Variants in AP3S2 observed in about 807,000 individuals in gnomAD.
AP3S2 encodes the protein adaptor related protein complex 3 subunit sigma 2, also known as AP-3 complex subunit sigma-2.
In AP3S2, 22 loss-of-function variants were observed where a neutral mutation model predicts 23.4. That is an observed-to-expected ratio of 0.94 (90% CI 0.67 to 1.34). AP3S2 has a LOEUF of 1.34. AP3S2 is among the 40% of genes most tolerant of loss of function. The pLI is 0.00. For synonymous variants in AP3S2, 86 were observed against 87.1 expected (o/e 0.99, Z 0.07); for missense variants, 241 against 236.9 (o/e 1.02, Z -0.11).
chr15:89,892,501 G>A (rs1392393376), intron 1 of AP3S2, among the ~76,000 whole-genome samples: 3 of 152,062 alleles, frequency 2.0e-5, no homozygotes, highest in African/African-American at 7.2e-5. Context: ...GAAAGACCCC[G>A]TCTCTATAAG....
At chr15:89,836,233 T>C (rs1555444780) in intron 5 of AP3S2, among the ~76,000 whole-genome samples, 1 of 152,202 alleles carries the variant, frequency 6.6e-6, no homozygotes, top group Non-Finnish European at 1.5e-5. Context: ...GTGTGGCCTA[T>C]ACAGTTTCAC....
At chr15:89,859,358 T>C (rs1895950696) in intron 4 of AP3S2, among the ~76,000 whole-genome samples, 1 of 138,420 alleles carries the variant, frequency 7.2e-6, no homozygotes, top group Admixed American at 7.4e-5. Context: ...CCTTCTTTCC[T>C]TCCTTTCCTT....
In AP3S2 at chr15:89,886,623, A is replaced by G. The variant is rs546541755; in HGVS notation, c.273+1898T>C. The G allele has an allele frequency of 8.5e-5, 13 of 152,300 alleles. No individual in the cohort carries two copies. In the South Asian group the frequency reaches 1.2e-3, roughly 15 times the overall value. 9.4% of individuals were successfully genotyped at this position (152,300 alleles called of 1,614,324 possible). On this transcript the variant is annotated intron_variant, in intron 3 of 5. Coordinates refer to ENST00000336418, the MANE Select transcript of AP3S2 (RefSeq NM_005829.5). The stretch of plus-strand genomic sequence containing the variant: ...CCAATTTTTAAAATACATTATCACT[A>G]TATTTCCTTAATTTTCAAATAAACT...
At chr15:89,844,596 G>A (rs1054618014) in intron 4 of AP3S2, among the ~76,000 whole-genome samples, 1 of 151,032 alleles carries the variant, frequency 6.6e-6, no homozygotes, top group African/African-American at 2.4e-5. Context: ...GGATCCTCCC[G>A]CCTCAGCCTT....
At chr15:89,880,847 A>G (rs549894530) in intron 3 of AP3S2, among the ~76,000 whole-genome samples, 15 of 152,298 alleles carry the variant, frequency 9.8e-5, no homozygotes, top group African/African-American at 2.6e-4. Context: ...ACATGCTAGG[A>G]ACATACCATT....
At position 89,877,329 on chromosome 15, in the gene AP3S2, C is replaced by A. The variant is rs536308029; in HGVS notation, c.274-5783G>T. On this transcript the variant is annotated intron_variant, in intron 3 of 5. Coordinates refer to ENST00000336418, the MANE Select transcript of AP3S2 (RefSeq NM_005829.5). ...ACTTTTAAGGTTTGGGAACTTATAG[C>A]CTTCTTGTTCTGATGTCAGGTCCTT... The A allele has an allele frequency of 6.7e-5, 88 of 1,312,454 alleles. No individual in the cohort carries two copies. In the African/African-American group the frequency reaches 1.1e-3, roughly 16 times the overall value. 81.3% of individuals were successfully genotyped at this position (1,312,454 alleles called of 1,614,324 possible). A position where few individuals can be genotyped will look rare whatever the true frequency, so the allele number is the denominator to read the frequency against.
At position 89,871,501 on chromosome 15, in the gene AP3S2, A is replaced by G. The variant is rs200332765; in HGVS notation, c.319T>C (p.Leu107=). Residue 107 remains leucine, a synonymous_variant, in exon 4 of 6, where the codon TTG becomes CTG. Transcript: ENST00000336418. ...LDKCFENVCE[L]DLIFHMDKVH... is the part of the protein sequence containing the mutation. ...TTATCCATATGGAAGATCAAATCCA[A>G]TTCACACACATTTTCGAAACACTTA... is the stretch of plus-strand genomic sequence containing the variant. The G allele has an allele frequency of 7.4e-6, 12 of 1,613,828 alleles. No individual in the cohort carries two copies. The East Asian group carries it at 2.5e-4, about 33-fold the overall frequency.
chr15:89,865,559 C>G (rs1896098366), intron 4 of AP3S2: 1 of 152,188 alleles, frequency 6.6e-6, no homozygotes, highest in African/African-American at 2.4e-5. Context: ...GTGGCAGATA[C>G]TATGGTCTAC....
At chr15:89,878,697 A>G (rs563022066) in intron 3 of AP3S2, among the ~76,000 whole-genome samples, 1 of 152,076 alleles carries the variant, frequency 6.6e-6, no homozygotes, top group Admixed American at 6.6e-5. Flanking sequence ...AGTAGCTGAG[A>G]ATCACAGATG....
chr15:89,845,426 G>C (rs1895462799), intron 4 of AP3S2: 1 of 152,184 alleles, frequency 6.6e-6, no homozygotes, highest in South Asian at 2.1e-4. Flanking sequence ...ATATGAAGTT[G>C]ACCATGAAAG....
At chr15:89,849,511 C>T (rs1271090053) in intron 4 of AP3S2, among the ~76,000 whole-genome samples, 4 of 151,938 alleles carry the variant, frequency 2.6e-5, no homozygotes, top group African/African-American at 9.7e-5. Flanking sequence ...GAACTACAGG[C>T]GCCCACCACC....
chr15:89,874,031 C>A (rs1354806636), intron 3 of AP3S2, among the ~76,000 whole-genome samples: 1 of 151,282 alleles, frequency 6.6e-6, no homozygotes, highest in Non-Finnish European at 1.5e-5. Context: ...CAGGTATGTG[C>A]CACCATGCCT....
intron 4 of AP3S2, among the ~76,000 whole-genome samples, chr15:89,856,795 C>T (rs1275448926): frequency 6.7e-6 from 1 of 149,440 alleles, no homozygotes; most frequent in African/African-American, 2.5e-5. Context: ...ATTGCTTAAA[C>T]CCGGGAGGCA....
chr15:89,877,076 A>G (rs1354197560), intron 3 of AP3S2: 1 of 285,212 alleles, frequency 3.5e-6, no homozygotes, highest in Non-Finnish European at 7.0e-6. Context: ...AACAAGGACC[A>G]AAATGTCATA....
chr15:89,869,570 A>T (rs1230048715), intron 4 of AP3S2, among the ~76,000 whole-genome samples: 8 of 59,474 alleles, frequency 1.3e-4, no homozygotes, highest in African/African-American at 2.4e-4. Context: ...TTATCAATAA[A>T]AAAAAAAAAA....
At chr15:89,890,522 T>C (rs937473558) in intron 1 of AP3S2, among the ~76,000 whole-genome samples, 1 of 152,200 alleles carries the variant, frequency 6.6e-6, no homozygotes, top group South Asian at 2.1e-4. Flanking sequence ...CTCTAGAGCA[T>C]TGCTTCTCAA....
At chr15:89,847,454 A>G (rs1472837590) in intron 4 of AP3S2, among the ~76,000 whole-genome samples, 1 of 151,968 alleles carries the variant, frequency 6.6e-6, no homozygotes, top group Non-Finnish European at 1.5e-5. Context: ...ATCTAAGAAG[A>G]AAAATAAAAG....
In AP3S2 at chr15:89,854,897, G is replaced by A. The variant is rs1167656342; in HGVS notation, c.345+16578C>T. The stretch of plus-strand genomic sequence containing the variant: ...GCCGCCCCGTCCGGGAGGGAGGTGG[G>A]GGGGGGGGGGGTTGGCCCCCCTGCC... On this transcript the variant is annotated intron_variant, in intron 4 of 5. Coordinates refer to ENST00000336418, the MANE Select transcript of AP3S2 (RefSeq NM_005829.5). Among the ~76,000 whole-genome samples, 2 of 22,032 alleles carry A rather than the reference G, an allele frequency of 9.1e-5. 1 individual carries two copies. The highest frequency in any genetic ancestry group is 2.5e-3 in the South Asian group (2 of 810). 14.5% of individuals were successfully genotyped at this position (22,032 alleles called of 152,430 possible).
chr15:89,846,757 A>C (rs1596191014), intron 4 of AP3S2, among the ~76,000 whole-genome samples: 1 of 152,214 alleles, frequency 6.6e-6, no homozygotes, highest in Non-Finnish European at 1.5e-5. Context: ...CGATCTCCTG[A>C]CCTTGTGATC....
Sources: gnomAD v4.1 joint callset for allele counts (sites outside exome capture counted in the v4.1 genomes callset) on GRCh38, gnomAD v4.1.1 for gene constraint, MANE v1.5 for transcripts, NCBI Gene and HGNC (gene_info 2026-07-23, HGNC 2026-07-21) for gene names.